Variants in LRP1B observed in about 807,000 individuals in gnomAD.
The protein encoded by LRP1B is low-density lipoprotein receptor-related protein 1B.
LRP1B carries 217 observed loss-of-function variants against 556.6 expected under a neutral mutation model. The observed-to-expected ratio is 0.39, with a 90% CI of 0.35 to 0.44. LRP1B has a LOEUF of 0.44. Ranked by LOEUF, LRP1B falls within the 20% of genes least tolerant of loss-of-function variation. The pLI is 1.00. For synonymous variants in LRP1B, 2,047 were observed against 1,865.8 expected, an observed-to-expected ratio of 1.10 and a Z score of -2.50; for missense variants, 5,053 against 5,620.8, an observed-to-expected ratio of 0.90 and a Z score of 3.23.
In LRP1B at chr2:141,247,094, G is replaced by A. The variant is rs2105326426; in HGVS notation, c.592+132C>T. Reference sequence around the variant, plus strand: ...GCTCTGGATTCCTAACTATAGAGAAGTGTATTAAAATGAAAGCAAATCTCT... The same window carrying A: ...GCTCTGGATTCCTAACTATAGAGAAATGTATTAAAATGAAAGCAAATCTCT... On this transcript the variant is annotated intron_variant, in intron 5 of 90. Transcript: ENST00000389484. The A allele has an allele frequency of 1.2e-5, 11 of 935,950 alleles. No homozygotes were observed. The South Asian group carries it at 1.5e-4, about 13-fold the overall frequency. The allele number at this position is 935,950 out of a possible 1,614,324, so 58.0% of individuals were successfully genotyped here.
Position 140,523,251 on chromosome 2 carries a change from A to T in LRP1B, c.8026+2593T>A, listed in dbSNP as rs114316248. Reference sequence around the variant, plus strand: ...AGGTCGGTGCAACATATGCAAATCAATAAGTATGATTCACTACATAAACAG... The same window carrying T: ...AGGTCGGTGCAACATATGCAAATCATTAAGTATGATTCACTACATAAACAG... On this transcript the variant is annotated intron_variant, in intron 49 of 90. Transcript: ENST00000389484. Among the ~76,000 whole-genome samples, 405 of 152,174 alleles carry T rather than the reference A, an allele frequency of 2.7e-3. 4 individuals are homozygous for T. The highest frequency in any genetic ancestry group is 9.5e-3 in the African/African-American group (393 of 41,550).
chr2:140,380,441 C>A (rs114993988), intron 67 of LRP1B, among the ~76,000 whole-genome samples: 4,564 of 152,234 alleles, frequency 0.03, 110 homozygotes, highest in Non-Finnish European at 0.046. Flanking sequence ...CCATTCCATA[C>A]TGAAGCCATT....
chr2:142,084,812 C>T (rs1041470397), intron 1 of LRP1B, among the ~76,000 whole-genome samples: 2 of 152,150 alleles, frequency 1.3e-5, no homozygotes, highest in African/African-American at 4.8e-5. Flanking sequence ...CTATCTCTTC[C>T]TGCTTAAGAT....
At chr2:141,468,526 T>A (rs2105062861) in intron 3 of LRP1B, among the ~76,000 whole-genome samples, 1 of 152,356 alleles carries the variant, frequency 6.6e-6, no homozygotes, top group South Asian at 2.1e-4. Context: ...AATTGTATAT[T>A]TAATTCTACA....
intron 2 of LRP1B, among the ~76,000 whole-genome samples, chr2:141,639,416 A>ATG (rs1363858494): frequency 1.5e-5 from 2 of 135,740 alleles, no homozygotes; most frequent in African/African-American, 2.7e-5. Flanking sequence ...GTGTATATAT[A>ATG]TATATATTTT....
intron 2 of LRP1B, among the ~76,000 whole-genome samples, chr2:141,798,867 A>C (rs998964656): frequency 1.3e-5 from 2 of 152,048 alleles, no homozygotes; most frequent in Admixed American, 6.6e-5. Context: ...GGAGGTAATT[A>C]AGGTAAAATG....
intron 43 of LRP1B, among the ~76,000 whole-genome samples, chr2:140,550,810 A>T (rs1001344283): frequency 6.6e-6 from 1 of 152,184 alleles, no homozygotes; most frequent in Non-Finnish European, 1.5e-5. Flanking sequence ...CATCTGTAAT[A>T]GTATTATGAA....
intron 7 of LRP1B, among the ~76,000 whole-genome samples, chr2:141,088,711 A>AT (rs1277432499): frequency 6.6e-6 from 1 of 152,186 alleles, no homozygotes; most frequent in African/African-American, 2.4e-5. Flanking sequence ...TGCAAGGTAA[A>AT]TCGAAACCAT....
At chr2:140,660,669 T>C (rs1408871845) in intron 41 of LRP1B, among the ~76,000 whole-genome samples, 3 of 152,122 alleles carry the variant, frequency 2.0e-5, no homozygotes, top group Non-Finnish European at 4.4e-5. Flanking sequence ...TCTTATATCC[T>C]GAAACTCACG....
intron 7 of LRP1B, among the ~76,000 whole-genome samples, chr2:141,077,056 C>T (rs554738782): frequency 2.0e-5 from 3 of 152,026 alleles, no homozygotes; most frequent in Admixed American, 1.3e-4. Context: ...ACCAGCCTGG[C>T]CAATATGGTG....
At chr2:141,151,176 C>G (rs1020598221) in intron 7 of LRP1B, among the ~76,000 whole-genome samples, 20 of 152,026 alleles carry the variant, frequency 1.3e-4, no homozygotes, top group Admixed American at 5.9e-4. Flanking sequence ...ATGTGGAGGA[C>G]CCGAAGATCT....
chr2:141,445,181 T>C (rs1681140341), intron 3 of LRP1B, among the ~76,000 whole-genome samples: 1 of 152,224 alleles, frequency 6.6e-6, no homozygotes, highest in Non-Finnish European at 1.5e-5. Flanking sequence ...CAAGAATTTA[T>C]CCATTTCTTT....
intron 3 of LRP1B, among the ~76,000 whole-genome samples, chr2:141,294,583 A>T (rs1227773440): frequency 6.6e-6 from 1 of 151,774 alleles, no homozygotes; most frequent in Admixed American, 6.6e-5. Context: ...AAGTAAAATA[A>T]AATAAAATTA....
intron 7 of LRP1B, among the ~76,000 whole-genome samples, chr2:141,158,488 G>C (rs939789013): frequency 1.3e-5 from 2 of 152,014 alleles, no homozygotes; most frequent in African/African-American, 4.8e-5. Flanking sequence ...CACCAACCAG[G>C]TCTCTCCTGA....
chr2:141,216,900 C>T (rs998625685), intron 6 of LRP1B, among the ~76,000 whole-genome samples: 2 of 152,100 alleles, frequency 1.3e-5, no homozygotes, highest in Admixed American at 1.3e-4. Context: ...AAATAACTTG[C>T]TTGATTTTAC....
chr2:140,427,355 T>C (rs1685708429), intron 66 of LRP1B, among the ~76,000 whole-genome samples: 1 of 152,140 alleles, frequency 6.6e-6, no homozygotes, highest in Admixed American at 6.5e-5. Flanking sequence ...TCCGTGTCTT[T>C]ACCCTTCTCT....
chr2:141,450,698 T>G (rs746162509), intron 3 of LRP1B, among the ~76,000 whole-genome samples: 4 of 152,078 alleles, frequency 2.6e-5, no homozygotes, highest in Non-Finnish European at 5.9e-5. Context: ...AATGTATTAA[T>G]GCACATAAAT....
chr2:141,268,983 A>G (rs1684992026), intron 3 of LRP1B, among the ~76,000 whole-genome samples: 1 of 152,218 alleles, frequency 6.6e-6, no homozygotes, highest in South Asian at 2.1e-4. Flanking sequence ...ACTCATACTC[A>G]GCATGACACT....
intron 3 of LRP1B, among the ~76,000 whole-genome samples, chr2:141,358,323 G>T (rs1193697499): frequency 6.6e-6 from 1 of 152,306 alleles, no homozygotes; most frequent in Non-Finnish European, 1.5e-5. Context: ...GATAAATAGA[G>T]AAAGCAGTAA....
Sources: allele counts gnomAD v4.1 joint callset (sites outside exome capture counted in the v4.1 genomes callset), GRCh38; gene constraint gnomAD v4.1.1; transcripts MANE v1.5; gene names NCBI Gene and HGNC (gene_info 2026-07-23, HGNC 2026-07-21).